The following FAM240A variants were observed in gnomAD, a reference collection of about 807,000 sequenced individuals.
FAM240A encodes protein FAM240A.
Under a neutral mutation model 7.3 loss-of-function variants are expected in FAM240A, and 8 were observed. That is an observed-to-expected ratio of 1.09 (90% CI 0.64 to 1.97). The LOEUF is 1.97. FAM240A is among the 30% of genes most tolerant of loss of function. The pLI, the probability that FAM240A is intolerant of heterozygous loss-of-function variation, is 0.00. For synonymous variants in FAM240A, 32 were observed against 35.9 expected (o/e 0.89, Z 0.38); for missense variants, 90 against 102.2 (o/e 0.88, Z 0.52).
chr3:46,617,837 G>A (rs1035861094), intron 2 of FAM240A, among the ~76,000 whole-genome samples: 2 of 152,210 alleles, frequency 1.3e-5, no homozygotes, highest in Admixed American at 6.5e-5. Context: ...GGTTCCTGGA[G>A]GGGAAGGCGG....
intron 2 of FAM240A, among the ~76,000 whole-genome samples, chr3:46,620,210 A>T (rs1475480187): frequency 6.6e-6 from 1 of 151,320 alleles, no homozygotes; most frequent in Non-Finnish European, 1.5e-5. Context: ...CTGGAGGCTA[A>T]GTCTGCCTAT....
chr3:46,624,264 ATTTTTT>A (rs59290700), intron 2 of FAM240A, among the ~76,000 whole-genome samples: 35,211 of 95,954 alleles, frequency 0.37, 3,745 homozygotes, highest in Middle Eastern at 0.42. Context: ...ACGGTGGGCT[ATTTTTT>A]TTTTTTTTTT....
At position 46,617,246 on chromosome 3, in the gene FAM240A, C is replaced by A; in HGVS notation, c.79C>A (p.His27Asn). The A allele has an allele frequency of 6.5e-7, 1 of 1,535,274 alleles. No homozygotes were observed. Among genetic ancestry groups the A allele is most frequent in the Non-Finnish European group, 8.7e-7 (1 of 1,146,460 alleles). Residue 27 changes from histidine (H) to asparagine (N), a missense_variant, in exon 2 of 3, where the codon CAT becomes AAT. Physicochemically the swap from His to Asn is moderately conservative, Grantham distance 68. Transcript: ENST00000640551. ...CCGGAACACCTGCCATGATCTCAAG[C>A]ATTTCTGGGAAAGGGAAATTGGCAA... ...FCRNTCHDLK[H>N]FWEREIGKQT...
At position 46,625,270 on chromosome 3, in the gene FAM240A, G is replaced by A. The variant is rs926183686; in HGVS notation, c.*52G>A. 1.4e-6 allele frequency: 2 copies of A among 1,379,488 alleles called. No homozygotes were observed. The highest frequency in any genetic ancestry group is 2.9e-5 in the African/African-American group (2 of 69,768). 85.5% of individuals were successfully genotyped at this position (1,379,488 alleles called of 1,614,324 possible). ...AGATGCAAAACACTGAGGTCACTTT[G>A]CTAGAAGTCAGTGCAAATTCCTGAG... is the stretch of plus-strand genomic sequence containing the variant. On this transcript the variant is annotated 3_prime_UTR_variant, in exon 3 of 3. Transcript: ENST00000640551.
At chr3:46,622,169 G>C (rs1244635217) in intron 2 of FAM240A, among the ~76,000 whole-genome samples, 1 of 133,016 alleles carries the variant, frequency 7.5e-6, no homozygotes, top group Non-Finnish European at 1.5e-5. Flanking sequence ...GCAGTGGCTC[G>C]ATCTTGGCCC....
At position 46,617,326 on chromosome 3, in the gene FAM240A, A is replaced by G; in HGVS notation, c.159A>G (p.Arg53=). ...EERRLGRSAL[R]KLREEWKQRL... The stretch of plus-strand genomic sequence containing the variant: ...GTCGTCTGGGAAGAAGCGCACTGAG[A>G]AAGTATGTGGCTTGTTTGTCTACTT... Residue 53 remains arginine, a splice_region_variant and synonymous_variant, in exon 2 of 3, where the codon AGA becomes AGG. Transcript: ENST00000640551. The G allele has an allele frequency of 6.6e-7, 1 of 1,523,842 alleles. No homozygotes were observed. The highest frequency in any genetic ancestry group is 1.4e-5 in the African/African-American group (1 of 72,408). The allele number at this position is 1,523,842 out of a possible 1,614,324, so 94.4% of individuals were successfully genotyped here. A position where few individuals can be genotyped will look rare whatever the true frequency, so the allele number is the denominator to read the frequency against.
At position 46,617,187 on chromosome 3, in the gene FAM240A, T is replaced by A; in HGVS notation, c.20T>A (p.Met7Lys). Reference protein sequence around the residue: MRLFSGMNNQYTRREVF... With the variant: MRLFSGKNNQYTRREVF... Reference sequence around the variant, plus strand: ...TATGGCTATTTTCCTTTTTAGGGGATGAACAATCAATACACCCGTCGGGAG... The same window carrying A: ...TATGGCTATTTTCCTTTTTAGGGGAAGAACAATCAATACACCCGTCGGGAG... Residue 7 changes from methionine (M) to lysine (K), a missense_variant, in exon 2 of 3, where the codon ATG becomes AAG. Coordinates refer to ENST00000640551, the MANE Select transcript of FAM240A (RefSeq NM_001195442.2). The A allele has an allele frequency of 6.6e-7, 1 of 1,524,226 alleles. No homozygotes were observed. The allele number at this position is 1,524,226 out of a possible 1,614,324, so 94.4% of individuals were successfully genotyped here.
In FAM240A at chr3:46,612,746, G is replaced by T. The variant is rs1403242929; in HGVS notation, c.15+48G>T. On this transcript the variant is annotated intron_variant, in intron 1 of 2. Transcript: ENST00000640551. ...ATTTTGTGAAGTAAAATTCCTAATG[G>T]TTATGGAGGTTATGGTTTGTCCAAG... The T allele has an allele frequency of 7.1e-6, 10 of 1,408,180 alleles. No homozygotes were observed. In the South Asian group the frequency reaches 9.8e-5, roughly 14 times the overall value. 87.2% of individuals were successfully genotyped at this position (1,408,180 alleles called of 1,614,324 possible).
intron 2 of FAM240A, among the ~76,000 whole-genome samples, chr3:46,619,924 C>T (rs1361587355): frequency 6.6e-6 from 1 of 152,158 alleles, no homozygotes; most frequent in Non-Finnish European, 1.5e-5. Flanking sequence ...TCCAAAGTCC[C>T]TACTGCAGTG....
intron 2 of FAM240A, among the ~76,000 whole-genome samples, chr3:46,622,307 C>A (rs1158797634): frequency 1.3e-5 from 2 of 151,688 alleles, no homozygotes; most frequent in Non-Finnish European, 2.9e-5. Context: ...GGGGTTTCAC[C>A]GTGTTAGCCA....
At chr3:46,617,741 A>C (rs1697647121) in intron 2 of FAM240A, among the ~76,000 whole-genome samples, 1 of 152,154 alleles carries the variant, frequency 6.6e-6, no homozygotes, top group South Asian at 2.1e-4. Context: ...GGGTACAAAC[A>C]CTATGTCTGT....
chr3:46,624,213 T>A (rs1468434461), intron 2 of FAM240A, among the ~76,000 whole-genome samples: 1 of 151,722 alleles, frequency 6.6e-6, no homozygotes, highest in African/African-American at 2.4e-5. Flanking sequence ...CTTCTACATA[T>A]GCTATAACCC....
At chr3:46,618,878 TATATACACACACACACACAC>T (rs1226899099) in intron 2 of FAM240A, among the ~76,000 whole-genome samples, 2 of 73,856 alleles carry the variant, frequency 2.7e-5, no homozygotes, top group Non-Finnish European at 6.1e-5. Flanking sequence ...TATATATATA[TATATACACACACACACACAC>T]ACACACACAC....
chr3:46,614,687 C>G (rs1697608287), intron 1 of FAM240A, among the ~76,000 whole-genome samples: 1 of 152,244 alleles, frequency 6.6e-6, no homozygotes, highest in African/African-American at 2.4e-5. Flanking sequence ...TTACCCAGTG[C>G]TCCTCTGGGC....
At chr3:46,618,867 GTATATA>G (rs35741930) in intron 2 of FAM240A, among the ~76,000 whole-genome samples, 8,571 of 138,596 alleles carry the variant, frequency 0.062, 312 homozygotes, top group African/African-American at 0.086. Flanking sequence ...ATATATATAT[GTATATA>G]TATATATATA....
At chr3:46,621,316 A>G (rs1027977704) in intron 2 of FAM240A, among the ~76,000 whole-genome samples, 1 of 150,440 alleles carries the variant, frequency 6.6e-6, no homozygotes, top group Admixed American at 6.7e-5. Context: ...AGATCTTTTT[A>G]TCAACAGACT....
Position 46,617,255 on chromosome 3 carries a change from G to T in FAM240A, c.88G>T (p.Glu30Ter). ...NTCHDLKHFW[E>*]REIGKQTYYR... ...CTGCCATGATCTCAAGCATTTCTGG[G>T]AAAGGGAAATTGGCAAACAGACTTA... The change falls in exon 2 of 3, where the codon GAA becomes TAA. Residue 30 changes from glutamate to a stop codon, truncating the protein, a stop_gained. Transcript: ENST00000640551. LOFTEE classifies it high-confidence loss of function. 6.5e-7 allele frequency: 1 copy of T among 1,535,626 alleles called. No individual in the cohort carries two copies. The highest frequency in any genetic ancestry group is 8.7e-7 in the Non-Finnish European group (1 of 1,146,642).
intron 1 of FAM240A, among the ~76,000 whole-genome samples, chr3:46,613,491 C>CTAAATAAATAAATAAATAAATAAATAAA (rs148622433): frequency 2.9e-5 from 4 of 137,910 alleles, no homozygotes; most frequent in South Asian, 2.4e-4. Context: ...GAAACTCCTT[C>CTAAATAAATAAATAAATAAATAAATAAA]TAAATAAATA....
intron 2 of FAM240A, among the ~76,000 whole-genome samples, chr3:46,618,882 T>TACACACAC (rs748467427): frequency 1.3e-5 from 1 of 77,182 alleles, no homozygotes; most frequent in African/African-American, 3.7e-5. Flanking sequence ...TATATATATA[T>TACACACAC]ACACACACAC....
Sources: allele counts gnomAD v4.1 joint callset (sites outside exome capture counted in the v4.1 genomes callset), GRCh38; gene constraint gnomAD v4.1.1; transcripts MANE v1.5; gene names NCBI Gene and HGNC (gene_info 2026-07-23, HGNC 2026-07-21).